LAMA2: variants seen among roughly 807,000 people sequenced by gnomAD.
LAMA2 encodes laminin subunit alpha-2.
A neutral mutation model predicts 364.8 loss-of-function variants in LAMA2; 269 were observed. The ratio of observed to expected loss-of-function variants is 0.74; its 90% confidence interval spans 0.67 to 0.82. LAMA2 has a LOEUF of 0.82. Among genes scored for constraint, LAMA2 ranks in the 40% least tolerant of loss-of-function variants. The pLI is 0.00. For missense variants in LAMA2, 3,807 were observed against 3,873.2 expected (o/e 0.98, Z 0.45); for synonymous variants, 1,379 against 1,370.6 (o/e 1.01, Z -0.14).
chr6:129,210,661 A>G (rs1783038822), intron 12 of LAMA2, among the ~76,000 whole-genome samples: 1 of 152,230 alleles, frequency 6.6e-6, no homozygotes, highest in South Asian at 2.1e-4. Context: ...CTAGCCAGTT[A>G]TAAACACAGG....
chr6:129,234,535 T>C (rs1784863814), intron 12 of LAMA2, among the ~76,000 whole-genome samples: 1 of 152,172 alleles, frequency 6.6e-6, no homozygotes, highest in South Asian at 2.1e-4. Context: ...TATCTTGGAA[T>C]TGGAATTTTT....
chr6:129,271,046 A>G (rs1187220291), intron 17 of LAMA2, among the ~76,000 whole-genome samples: 1 of 152,136 alleles, frequency 6.6e-6, no homozygotes, highest in Non-Finnish European at 1.5e-5. Flanking sequence ...ACAAACACAT[A>G]CATGTGCATG....
At chr6:129,240,597 A>G (rs2876038) in intron 12 of LAMA2, among the ~76,000 whole-genome samples, 12,065 of 152,186 alleles carry the variant, frequency 0.079, 1,028 homozygotes, top group African/African-American at 0.21. Context: ...TAATTTGTCA[A>G]CTACTCTCTT....
At chr6:129,376,018 C>T (rs1778355644) in intron 34 of LAMA2, among the ~76,000 whole-genome samples, 1 of 152,152 alleles carries the variant, frequency 6.6e-6, no homozygotes, top group African/African-American at 2.4e-5. Flanking sequence ...CAACTCTAAC[C>T]TGTTGTTATT....
At chr6:129,270,551 G>A (rs1459134220) in intron 16 of LAMA2, 73 bp from the exon 17 acceptor site, 15 of 1,511,218 alleles carry the variant, frequency 9.9e-6, no homozygotes, top group Middle Eastern at 1.7e-4. Flanking sequence ...TAATGACTTC[G>A]TAGACCTATT....
chr6:129,177,960 A>T (rs1780709188), intron 10 of LAMA2, 94 bp downstream of exon 10: 14 of 1,269,364 alleles, frequency 1.1e-5, no homozygotes, highest in Non-Finnish European at 1.2e-5. Flanking sequence ...AGCAATTTTA[A>T]TGACTTCTGG....
intron 1 of LAMA2, among the ~76,000 whole-genome samples, chr6:128,997,628 C>A (rs1784069054): frequency 6.6e-6 from 1 of 151,654 alleles, no homozygotes; most frequent in Admixed American, 6.6e-5. Flanking sequence ...AACCCTGTCT[C>A]TACCAAAAAT....
intron 22 of LAMA2, among the ~76,000 whole-genome samples, chr6:129,306,184 T>C (rs982884774): frequency 5.9e-5 from 9 of 152,078 alleles, no homozygotes; most frequent in East Asian, 3.9e-4. Context: ...TATATCAATT[T>C]TAATGCTTTA....
At chr6:129,048,708 G>C (rs966306803) in intron 1 of LAMA2, among the ~76,000 whole-genome samples, 2 of 151,150 alleles carry the variant, frequency 1.3e-5, no homozygotes, top group South Asian at 4.2e-4. Flanking sequence ...TCCACCTCCC[G>C]GGCTCAAGCA....
intron 15 of LAMA2, among the ~76,000 whole-genome samples, chr6:129,264,185 G>A (rs933679891): frequency 3.9e-5 from 6 of 152,158 alleles, no homozygotes; most frequent in African/African-American, 1.4e-4. Context: ...TTAGGATCAT[G>A]GCAGGGAATA....
At chr6:129,032,100 G>A (rs1260611668) in intron 1 of LAMA2, among the ~76,000 whole-genome samples, 3 of 152,216 alleles carry the variant, frequency 2.0e-5, no homozygotes, top group Non-Finnish European at 2.9e-5. Flanking sequence ...TTACAGGCGT[G>A]AGCCACCAGG....
intron 34 of LAMA2, 115 bp downstream of exon 34, chr6:129,370,105 A>G: frequency 1.2e-6 from 1 of 825,526 alleles, no homozygotes; most frequent in Non-Finnish European, 2.0e-6. Flanking sequence ...AATTTGGTAT[A>G]TAAAATAGAT....
At chr6:129,404,098 T>A in intron 40 of LAMA2, 139 bp downstream of exon 40, 1 of 897,850 alleles carries the variant, frequency 1.1e-6, no homozygotes, top group Non-Finnish European at 1.7e-6. Flanking sequence ...AAAATTTGCC[T>A]AAAATAAATT....
chr6:128,965,817 A>G (rs1318203263), intron 1 of LAMA2, among the ~76,000 whole-genome samples: 3 of 151,954 alleles, frequency 2.0e-5, no homozygotes, highest in Admixed American at 6.6e-5. Context: ...CCAGACAGCA[A>G]TCTTTAAATC....
chr6:129,006,002 T>C (rs1245401020), intron 1 of LAMA2, among the ~76,000 whole-genome samples: 7 of 151,994 alleles, frequency 4.6e-5, no homozygotes, highest in Non-Finnish European at 8.8e-5. Flanking sequence ...TTAACAAAAG[T>C]ATATGTAAGT....
intron 1 of LAMA2, among the ~76,000 whole-genome samples, chr6:128,911,798 G>A (rs1025557306): frequency 1.3e-5 from 2 of 152,066 alleles, no homozygotes; most frequent in African/African-American, 4.8e-5. Context: ...TTTCCCAGAA[G>A]GCCCTCACTG....
At chr6:129,424,896 A>T (rs1478898681) in intron 40 of LAMA2, among the ~76,000 whole-genome samples, 1 of 152,044 alleles carries the variant, frequency 6.6e-6, no homozygotes, top group Non-Finnish European at 1.5e-5. Flanking sequence ...TCACCCAAAA[A>T]TTTGTACACA....
chr6:129,349,360 G>T lies in LAMA2; in HGVS notation c.4499G>T (p.Gly1500Val). The change falls in exon 31 of 65, where the codon GGA (glycine) becomes GTA (valine). Residue 1500 changes from glycine (G) to valine (V), a missense_variant. Physicochemically the swap from Gly to Val is moderately radical, Grantham distance 109. Transcript: ENST00000421865. ...TACCGCTGCACGGCTTGTCCACGGG[G>T]ATATGAAGGCCAGTACTGTGAAAGG... ...DDYRCTACPR[G>V]YEGQYCERCA... 1 of 1,613,478 alleles carries T rather than the reference G, an allele frequency of 6.2e-7. No homozygotes were observed. Among genetic ancestry groups the T allele is most frequent in the South Asian group, 1.1e-5 (1 of 91,072 alleles).
At chr6:128,891,327 A>G (rs1582611323) in intron 1 of LAMA2, among the ~76,000 whole-genome samples, 1 of 152,224 alleles carries the variant, frequency 6.6e-6, no homozygotes, top group East Asian at 1.9e-4. Context: ...AGAAGGTCCT[A>G]TTCTATAGAA....
Sources: allele counts gnomAD v4.1 joint callset (sites outside exome capture counted in the v4.1 genomes callset), GRCh38; gene constraint gnomAD v4.1.1; transcripts MANE v1.5; gene names NCBI Gene and HGNC (gene_info 2026-07-23, HGNC 2026-07-21).